BEND6: variants seen among roughly 807,000 people sequenced by gnomAD.
The protein encoded by BEND6 is BEN domain containing 6.
BEND6 carries 24 observed loss-of-function variants against 31.8 expected under a neutral mutation model. The observed-to-expected ratio is 0.75, with a 90% CI of 0.55 to 1.06. The LOEUF is 1.06. BEND6 is among the 50% of genes least tolerant of loss of function. BEND6 has a pLI of 0.00. For synonymous variants in BEND6, 109 were observed against 114.6 expected, an observed-to-expected ratio of 0.95 and a Z score of 0.31; for missense variants, 294 against 327.4, an observed-to-expected ratio of 0.90 and a Z score of 0.79.
intron 2 of BEND6, among the ~76,000 whole-genome samples, chr6:56,991,587 C>G (rs1826503099): frequency 6.6e-6 from 1 of 152,116 alleles, no homozygotes; most frequent in Non-Finnish European, 1.5e-5. Context: ...TCTTGACCCC[C>G]TGGGCTCAGG....
chr6:57,025,280 A>G (rs1827866531), intron 6 of BEND6, among the ~76,000 whole-genome samples: 1 of 152,200 alleles, frequency 6.6e-6, no homozygotes, highest in African/African-American at 2.4e-5. Context: ...TTGTGGATCT[A>G]CATCTATGAC....
In BEND6 at chr6:56,955,120, G is replaced by A. The variant is rs544240118; in HGVS notation, c.-441G>A. 1.1e-4 allele frequency: 16 copies of A among 150,424 alleles called. No homozygotes were observed. In the East Asian group the frequency reaches 3.1e-3, roughly 29 times the overall value. The allele number at this position is 150,424 out of a possible 1,614,324, so 9.3% of individuals were successfully genotyped here. A position where few individuals can be genotyped will look rare whatever the true frequency, so the allele number is the denominator to read the frequency against. On this transcript the variant is annotated 5_prime_UTR_variant, in exon 1 of 7. Transcript: ENST00000370746. ...GGCTCGGCTGATGACATCACGGCCAGGCTGCGGCAGCGCGGGCGCGCGGAC... is the reference window on the plus strand; with the variant it reads ...GGCTCGGCTGATGACATCACGGCCAAGCTGCGGCAGCGCGGGCGCGCGGAC...
chr6:57,000,005 C>T (rs1193773054), intron 3 of BEND6, among the ~76,000 whole-genome samples: 16 of 151,836 alleles, frequency 1.1e-4, no homozygotes, highest in South Asian at 2.1e-4. Context: ...ATGTGAGGAG[C>T]GCCTCTGCCC....
intron 1 of BEND6, among the ~76,000 whole-genome samples, chr6:56,960,508 T>C (rs1825251829): frequency 6.6e-6 from 1 of 152,242 alleles, no homozygotes; most frequent in Admixed American, 6.5e-5. Context: ...GGTTATTATC[T>C]ACAAATTAAG....
At chr6:56,990,386 A>G (rs1826450536) in intron 2 of BEND6, among the ~76,000 whole-genome samples, 1 of 151,578 alleles carries the variant, frequency 6.6e-6, no homozygotes, top group Admixed American at 6.6e-5. Context: ...AACCAGGACT[A>G]CAGGTGTGCA....
At chr6:56,979,376 T>C (rs1380184668) in intron 1 of BEND6, among the ~76,000 whole-genome samples, 1 of 152,252 alleles carries the variant, frequency 6.6e-6, no homozygotes, top group Non-Finnish European at 1.5e-5. Flanking sequence ...CATTGAATTG[T>C]ACACTTTAAA....
chr6:57,014,971 AAT>A (rs1212512324), intron 3 of BEND6, among the ~76,000 whole-genome samples, 160 bp from the exon 4 acceptor site: 15 of 152,244 alleles, frequency 9.9e-5, no homozygotes, highest in African/African-American at 3.6e-4. Flanking sequence ...AATAAAAGTA[AAT>A]ATGTTCCAAA....
At chr6:56,967,531 G>A (rs985848576) in intron 1 of BEND6, among the ~76,000 whole-genome samples, 4 of 152,060 alleles carry the variant, frequency 2.6e-5, no homozygotes, top group African/African-American at 4.8e-5. Flanking sequence ...AAGAGAGTTC[G>A]GGAGCCCAAA....
intron 1 of BEND6, among the ~76,000 whole-genome samples, chr6:56,966,344 C>T (rs1028899709): frequency 2.6e-5 from 4 of 152,088 alleles, no homozygotes; most frequent in African/African-American, 9.7e-5. Context: ...TAAGATGATC[C>T]GCCTGCCTCG....
At chr6:56,977,455 T>G (rs1361419371) in intron 1 of BEND6, among the ~76,000 whole-genome samples, 1 of 152,218 alleles carries the variant, frequency 6.6e-6, no homozygotes, top group African/African-American at 2.4e-5. Flanking sequence ...TGGAATCTAC[T>G]AAGATGTGTT....
intron 2 of BEND6, among the ~76,000 whole-genome samples, chr6:56,990,223 A>G (rs1826440071): frequency 6.9e-6 from 1 of 145,092 alleles, no homozygotes; most frequent in Admixed American, 6.9e-5. Context: ...CTTCATCTGC[A>G]TGCATCTATT....
At chr6:56,999,149 G>A (rs1826833669) in intron 3 of BEND6, among the ~76,000 whole-genome samples, 1 of 151,966 alleles carries the variant, frequency 6.6e-6, no homozygotes, top group Admixed American at 6.5e-5. Context: ...TGGTGCAGTG[G>A]GACTCTCTCC....
chr6:57,020,569 C>T (rs1002150339), intron 6 of BEND6, among the ~76,000 whole-genome samples: 9 of 152,084 alleles, frequency 5.9e-5, no homozygotes, highest in South Asian at 4.2e-4. Flanking sequence ...TACAGGCCCG[C>T]GCCACCACAC....
chr6:56,965,422 T>C (rs780020542), intron 1 of BEND6, among the ~76,000 whole-genome samples: 6 of 152,090 alleles, frequency 3.9e-5, no homozygotes, highest in Non-Finnish European at 8.8e-5. Context: ...CATTAATATA[T>C]GATATTAGGC....
chr6:56,997,527 G>A (rs1826766495), intron 3 of BEND6, among the ~76,000 whole-genome samples: 1 of 152,106 alleles, frequency 6.6e-6, no homozygotes, highest in East Asian at 1.9e-4. Flanking sequence ...TACTGCCACT[G>A]CAGTGTTCAT....
intron 2 of BEND6, among the ~76,000 whole-genome samples, chr6:56,989,751 G>A (rs1039700629): frequency 1.3e-5 from 2 of 152,080 alleles, no homozygotes; most frequent in Non-Finnish European, 2.9e-5. Flanking sequence ...TCTGTAAAAT[G>A]TTTGTTCATG....
At chr6:56,990,056 G>T (rs987268584) in intron 2 of BEND6, among the ~76,000 whole-genome samples, 18 of 151,842 alleles carry the variant, frequency 1.2e-4, no homozygotes, top group African/African-American at 4.4e-4. Flanking sequence ...TCCATCTGAA[G>T]TTGTGTATGT....
intron 2 of BEND6, among the ~76,000 whole-genome samples, chr6:56,988,173 G>A (rs945486297): frequency 2.6e-5 from 4 of 151,680 alleles, no homozygotes; most frequent in Non-Finnish European, 5.9e-5. Context: ...CATGCCATCA[G>A]GCCCGGCTAA....
intron 4 of BEND6, among the ~76,000 whole-genome samples, chr6:57,016,014 A>AT (rs1827548244): frequency 6.6e-6 from 1 of 152,176 alleles, no homozygotes; most frequent in Non-Finnish European, 1.5e-5. Flanking sequence ...ATTAAAGCAA[A>AT]TTGGGTACAA....
Sources: gnomAD v4.1 joint callset for allele counts (sites outside exome capture counted in the v4.1 genomes callset) on GRCh38, gnomAD v4.1.1 for gene constraint, MANE v1.5 for transcripts, NCBI Gene and HGNC (gene_info 2026-07-23, HGNC 2026-07-21) for gene names.